Variants in CHCHD3 observed in about 807,000 individuals in gnomAD.
The protein encoded by CHCHD3 is MICOS complex subunit MIC19.
A neutral mutation model predicts 38.2 loss-of-function variants in CHCHD3; 20 were observed. That is an observed-to-expected ratio of 0.52 (90% CI 0.37 to 0.76). CHCHD3 has a LOEUF of 0.76. Ranked by LOEUF, CHCHD3 falls within the 30% of genes least tolerant of loss-of-function variation. CHCHD3 has a pLI of 0.00. For missense variants in CHCHD3, 245 were observed against 279.2 expected, an observed-to-expected ratio of 0.88 and a Z score of 0.87; for synonymous variants, 82 against 100.0, an observed-to-expected ratio of 0.82 and a Z score of 1.07.
intron 3 of CHCHD3, among the ~76,000 whole-genome samples, chr7:133,021,050 A>C (rs890226939): frequency 6.6e-6 from 1 of 152,186 alleles, no homozygotes; most frequent in African/African-American, 2.4e-5. Flanking sequence ...ACTAGATGCC[A>C]ATAACATTTG....
In CHCHD3 at chr7:133,035,642, G is replaced by A. The variant is rs1584662441; in HGVS notation, c.170-11015C>T. The A allele has an allele frequency of 1.9e-6, 3 of 1,611,050 alleles. No homozygotes were observed. The highest frequency in any genetic ancestry group is 2.5e-6 in the Non-Finnish European group (3 of 1,178,366). On this transcript the variant is annotated intron_variant, in intron 2 of 7. Transcript: ENST00000262570. This position sits in a 1 kb window ranked among gnomAD's most constrained non-coding sequence, Gnocchi z 4.7. ...CAAAGCTCACCCACTGCACCACCTG[G>A]GCTGCTGCCTCTGGAGTACTTCCCC...
intron 4 of CHCHD3, among the ~76,000 whole-genome samples, chr7:132,905,330 C>T (rs1342202422): frequency 1.3e-5 from 2 of 152,052 alleles, no homozygotes; most frequent in Non-Finnish European, 2.9e-5. Context: ...TCGTTAACCT[C>T]AGCAAACTAA....
At chr7:132,819,950 G>C (rs1807302604) in intron 6 of CHCHD3, among the ~76,000 whole-genome samples, 1 of 152,094 alleles carries the variant, frequency 6.6e-6, no homozygotes, top group African/African-American at 2.4e-5. Context: ...AGCCCAGGAG[G>C]TATCCAAGGT....
chr7:132,949,256 G>A (rs1196558241), intron 4 of CHCHD3, among the ~76,000 whole-genome samples: 1 of 151,992 alleles, frequency 6.6e-6, no homozygotes, highest in Non-Finnish European at 1.5e-5. Context: ...GGATATGTAT[G>A]GGCAACTGAG....
rs1195454365 is a variant in CHCHD3 at position 132,788,288 on chromosome 7, T to TA, written c.661-2629dup. Among the ~76,000 whole-genome samples, 1 of 152,192 alleles carries TA rather than the reference T, an allele frequency of 6.6e-6. No homozygotes were observed. The highest frequency in any genetic ancestry group is 1.5e-5 in the Non-Finnish European group (1 of 68,046). On this transcript the variant is annotated intron_variant, in intron 7 of 7. Coordinates refer to ENST00000262570, the MANE Select transcript of CHCHD3 (RefSeq NM_017812.4). The surrounding 1 kb of genome is among the most constrained non-coding windows in gnomAD (Gnocchi z 4.0). ...TGATCTCTTTATAAATGATGCCACT[T>TA]AGCCATTTGCATTTGGGGGGGTTAT...
At chr7:133,078,380 T>A (rs559415779) in intron 1 of CHCHD3, among the ~76,000 whole-genome samples, 1 of 152,158 alleles carries the variant, frequency 6.6e-6, no homozygotes, top group Non-Finnish European at 1.5e-5. Flanking sequence ...TCTTTATACA[T>A]TAAGATAAAT....
chr7:132,870,283 G>C (rs938293862), intron 5 of CHCHD3, among the ~76,000 whole-genome samples: 1 of 149,178 alleles, frequency 6.7e-6, no homozygotes, highest in Admixed American at 6.7e-5. Flanking sequence ...CTGGGAGGCA[G>C]AGGTTGCGGT....
intron 4 of CHCHD3, among the ~76,000 whole-genome samples, chr7:132,955,917 G>C (rs1172336576): frequency 1.3e-5 from 2 of 152,204 alleles, no homozygotes; most frequent in Non-Finnish European, 2.9e-5. Context: ...CAGATAACAA[G>C]GGTGGGGGAT....
chr7:133,052,224 G>T (rs764741762), intron 2 of CHCHD3, among the ~76,000 whole-genome samples: 13 of 152,142 alleles, frequency 8.5e-5, no homozygotes, highest in Non-Finnish European at 1.8e-4. Flanking sequence ...TGCAGCTACA[G>T]ACCTTCACAG....
intron 7 of CHCHD3, among the ~76,000 whole-genome samples, chr7:132,789,758 G>A (rs1029101984): frequency 1.3e-5 from 2 of 152,098 alleles, no homozygotes; most frequent in African/African-American, 2.4e-5. Flanking sequence ...GTCTCTGGAT[G>A]AACTTACCCA....
chr7:133,037,793 C>A (rs148809673), intron 2 of CHCHD3, among the ~76,000 whole-genome samples: 2,131 of 152,220 alleles, frequency 0.014, 47 homozygotes, highest in African/African-American at 0.049. Context: ...AGCCTGGCGA[C>A]AGAGCGAGAG....
rs572755048 is a variant in CHCHD3 at position 132,990,030 on chromosome 7, G to A, written c.252-14744C>T. Among the ~76,000 whole-genome samples the A allele has an allele frequency of 5.3e-5, 8 of 152,108 alleles. No individual in the cohort carries two copies. The South Asian group carries it at 6.3e-4, about 12-fold the overall frequency. ...TCTACTAAAAATACAAAAATTAGCCGGGCGTGGTGGTGGGTGCCTGTAATC... is the reference window on the plus strand; with the variant it reads ...TCTACTAAAAATACAAAAATTAGCCAGGCGTGGTGGTGGGTGCCTGTAATC... On this transcript the variant is annotated intron_variant, in intron 3 of 7. Coordinates refer to ENST00000262570, the MANE Select transcript of CHCHD3 (RefSeq NM_017812.4).
intron 4 of CHCHD3, among the ~76,000 whole-genome samples, chr7:132,941,943 A>C (rs1214450372): frequency 6.6e-6 from 1 of 152,198 alleles, no homozygotes. Flanking sequence ...AACTCTCAAA[A>C]CAGTTCTCTG....
chr7:132,790,458 C>T (rs1340973606), intron 7 of CHCHD3, among the ~76,000 whole-genome samples: 1 of 152,086 alleles, frequency 6.6e-6, no homozygotes, highest in Non-Finnish European at 1.5e-5. Context: ...GAAAAGGATT[C>T]CTATGATGGA....
intron 4 of CHCHD3, among the ~76,000 whole-genome samples, chr7:132,901,337 C>T (rs991791225): frequency 2.0e-5 from 3 of 151,994 alleles, no homozygotes; most frequent in Admixed American, 6.5e-5. Context: ...GCTCAAAGCA[C>T]GAGTCATCTG....
At chr7:132,831,438 C>T (rs536686799) in intron 6 of CHCHD3, among the ~76,000 whole-genome samples, 9 of 152,220 alleles carry the variant, frequency 5.9e-5, no homozygotes, top group East Asian at 1.9e-4. Context: ...GACATCAATA[C>T]GTGTTAGAGA....
intron 3 of CHCHD3, among the ~76,000 whole-genome samples, chr7:133,007,655 G>T (rs1407809735): frequency 1.3e-5 from 2 of 152,104 alleles, no homozygotes; most frequent in African/African-American, 2.4e-5. Flanking sequence ...CCTCCTTAGG[G>T]ATGCCCTGCT....
At chr7:132,837,200 C>T (rs991616797) in intron 6 of CHCHD3, among the ~76,000 whole-genome samples, 7 of 151,990 alleles carry the variant, frequency 4.6e-5, no homozygotes, top group Admixed American at 1.3e-4. Flanking sequence ...AAGAAATATT[C>T]GGGGAGCCAA....
At chr7:132,829,160 C>T (rs1433086087) in intron 6 of CHCHD3, among the ~76,000 whole-genome samples, 1 of 152,112 alleles carries the variant, frequency 6.6e-6, no homozygotes, top group Non-Finnish European at 1.5e-5. Context: ...GAGGACAAAC[C>T]TAGTAGTCTC....
Sources: gnomAD v4.1 joint callset for allele counts (sites outside exome capture counted in the v4.1 genomes callset) on GRCh38, gnomAD v4.1.1 for gene constraint, Gnocchi (gnomAD v3.1) non-coding constraint, MANE v1.5 for transcripts, NCBI Gene and HGNC (gene_info 2026-07-23, HGNC 2026-07-21) for gene names.